The following PTX3 variants were observed in gnomAD, a reference collection of about 807,000 sequenced individuals.
PTX3 encodes pentraxin-related protein PTX3.
PTX3 carries 24 observed loss-of-function variants against 23.5 expected under a neutral mutation model. The observed-to-expected ratio is 1.02, with a 90% CI of 0.74 to 1.43. PTX3 has a LOEUF of 1.43. Among genes scored for constraint, PTX3 ranks in the 40% most tolerant of loss-of-function variants. The pLI, the probability that PTX3 is intolerant of heterozygous loss-of-function variation, is 0.00. For synonymous variants in PTX3, 218 were observed against 205.4 expected (o/e 1.06, Z -0.53); for missense variants, 510 against 497.5 (o/e 1.02, Z -0.24).
At chr3:157,439,900 G>A (rs1035327208) in intron 2 of PTX3, among the ~76,000 whole-genome samples, 1 of 152,042 alleles carries the variant, frequency 6.6e-6, no homozygotes, top group Non-Finnish European at 1.5e-5. Context: ...ACAGGTGCTC[G>A]CCACCTTACC....
rs141322370 is a variant in PTX3, at chr3:157,442,628, A to T, written c.795A>T (p.Gly265=). 402 of 1,614,204 alleles carry T rather than the reference A, an allele frequency of 2.5e-4. 2 individuals carry two copies. In the African/African-American group the frequency reaches 4.6e-3, roughly 18 times the overall value. Reference sequence around the variant, plus strand: ...TTGCTGAAGCCATGGTTTCCCTGGGAAGGTGGACCCACCTGTGCGGCACCT... The same window carrying T: ...TTGCTGAAGCCATGGTTTCCCTGGGTAGGTGGACCCACCTGTGCGGCACCT... ...KLVAEAMVSL[G]RWTHLCGTWN... Residue 265 remains glycine (G), a synonymous_variant, in exon 3 of 3, where the codon GGA becomes GGT. Transcript: ENST00000295927.
rs925263337 is a variant in PTX3, at chr3:157,437,886, C to T, written c.504C>T (p.Gly168=). ...GAGCCGACCTGCACGCGGTGCAGGG[C>T]TGGGCTGCCCGGAGCTGGCTGCCGG... is the stretch of plus-strand genomic sequence containing the variant. ...QTRADLHAVQ[G]WAARSWLPAG... The change falls in exon 2 of 3, where the codon GGC becomes GGT. Residue 168 remains glycine (G), a synonymous_variant. Transcript: ENST00000295927. The T allele has an allele frequency of 6.6e-7, 1 of 1,519,562 alleles. No individual in the cohort carries two copies. Among genetic ancestry groups the T allele is most frequent in the Non-Finnish European group, 8.8e-7 (1 of 1,141,372 alleles). The allele number at this position is 1,519,562 out of a possible 1,614,324, so 94.1% of individuals were successfully genotyped here.
At chr3:157,440,885 A>G (rs1734065464) in intron 2 of PTX3, among the ~76,000 whole-genome samples, 2 of 152,272 alleles carry the variant, frequency 1.3e-5, no homozygotes, top group African/African-American at 4.8e-5. Context: ...ATGTTCTCCA[A>G]CCAGGCCCCT....
chr3:157,437,830 G>C lies in PTX3; in HGVS notation c.448G>C (p.Ala150Pro). 3 of 1,470,066 alleles carry C rather than the reference G, an allele frequency of 2.0e-6. No homozygotes were observed. Among genetic ancestry groups the C allele is most frequent in the South Asian group, 2.6e-5 (2 of 75,908 alleles). The allele number at this position is 1,470,066 out of a possible 1,614,324, so 91.1% of individuals were successfully genotyped here. A position where few individuals can be genotyped will look rare whatever the true frequency, so the allele number is the denominator to read the frequency against. The stretch of plus-strand genomic sequence containing the variant: ...CCCAGAGGAGGCGGGGCGCGCCCTG[G>C]CCGCGGTGCTAGAGGAGCTGCGGCA... ...QRPEEAGRAL[A>P]AVLEELRQTR... is the part of the protein sequence containing the mutation. Residue 150 changes from alanine to proline, a missense_variant, in exon 2 of 3, where the codon GCC (alanine) becomes CCC (proline). Transcript: ENST00000295927.
chr3:157,437,072 A>G lies in PTX3; in HGVS notation c.130+9A>G, dbSNP rs2305619. 840,709 of 1,612,082 alleles carry G rather than the reference A, an allele frequency of 0.52. 221,494 individuals are homozygous for G. Among genetic ancestry groups the G allele is most frequent in the Admixed American group, 0.63 (38,064 of 59,962 alleles). ...CCATCCCACTGAGGACCGTAAGTTC[A>G]CTTTAACTGTTTCTCTGCTAACCCT... On this transcript the variant is annotated intron_variant, in intron 1 of 2. Coordinates refer to ENST00000295927, the MANE Select transcript of PTX3 (RefSeq NM_002852.4).
chr3:157,437,645 T>A lies in PTX3; in HGVS notation c.263T>A (p.Leu88Gln). Reference sequence around the variant, plus strand: ...GTCCTGCGGGGCGAGCTGCAGAGGCTGCGGGAGGAGCTGGGCCGGCTCGCG... The same window carrying A: ...GTCCTGCGGGGCGAGCTGCAGAGGCAGCGGGAGGAGCTGGGCCGGCTCGCG... ...DDVLRGELQRLREELGRLAES... is the reference protein window; with the variant it reads ...DDVLRGELQRQREELGRLAES... The change falls in exon 2 of 3, where the codon CTG (leucine) becomes CAG (glutamine). Residue 88 changes from leucine to glutamine, a missense_variant. Leu to Gln is a moderately radical substitution (Grantham distance 113). Transcript: ENST00000295927. 1 of 1,548,964 alleles carries A rather than the reference T, an allele frequency of 6.5e-7. No individual in the cohort carries two copies. Among genetic ancestry groups the A allele is most frequent in the South Asian group, 1.2e-5 (1 of 84,192 alleles).
Position 157,441,971 on chromosome 3 carries a change from G to T in PTX3, c.533-395G>T, listed in dbSNP as rs569868399. Reference sequence around the variant, plus strand: ...TGGCAAAAAGAGAGAACCAGGTTGGGTTCTGAATTCTTGGAAATTATAGAA... The same window carrying T: ...TGGCAAAAAGAGAGAACCAGGTTGGTTTCTGAATTCTTGGAAATTATAGAA... On this transcript the variant is annotated intron_variant, in intron 2 of 2. Coordinates refer to ENST00000295927, the MANE Select transcript of PTX3 (RefSeq NM_002852.4). 2.6e-5 allele frequency among the ~76,000 whole-genome samples: 4 copies of T among 152,248 alleles called. No individual in the cohort carries two copies. The East Asian group carries it at 7.7e-4, about 29-fold the overall frequency.
intron 1 of PTX3, 145 bp downstream of exon 1, chr3:157,437,208 A>C (rs1733668157): frequency 1.7e-6 from 2 of 1,171,928 alleles, no homozygotes; most frequent in Non-Finnish European, 2.5e-6. Flanking sequence ...TTGAAGAAAG[A>C]TGGAGGTTTC....
At position 157,437,790 on chromosome 3, in the gene PTX3, C is replaced by A; in HGVS notation, c.408C>A (p.Gly136=). The A allele has an allele frequency of 6.8e-7, 1 of 1,464,380 alleles. No individual in the cohort carries two copies. 90.7% of individuals were successfully genotyped at this position (1,464,380 alleles called of 1,614,324 possible). A position where few individuals can be genotyped will look rare whatever the true frequency, so the allele number is the denominator to read the frequency against. Residue 136 remains glycine (G), a synonymous_variant, in exon 2 of 3, where the codon GGC becomes GGA. Coordinates refer to ENST00000295927, the MANE Select transcript of PTX3 (RefSeq NM_002852.4). The part of the protein sequence containing the change: ...DAGRRLARME[G]AEAQRPEEAG... ...GCCGCAGGCTGGCGCGTATGGAGGG[C>A]GCGGAGGCGCAGCGCCCAGAGGAGG...
intron 1 of PTX3, 79 bp from the exon 2 acceptor site, chr3:157,437,434 C>G (rs888420704): frequency 1.3e-6 from 2 of 1,525,384 alleles, no homozygotes; most frequent in African/African-American, 2.8e-5. Context: ...TTGGCACCAC[C>G]GAGGGAGGTC....
At position 157,437,017 on chromosome 3, in the gene PTX3, G is replaced by T; in HGVS notation, c.84G>T (p.Val28=). 6 of 1,614,008 alleles carry T rather than the reference G, an allele frequency of 3.7e-6. No homozygotes were observed. Among genetic ancestry groups the T allele is most frequent in the Non-Finnish European group, 5.1e-6 (6 of 1,179,910 alleles). ...CGGATGATTATGATCTCATGTATGT[G>T]AATTTGGACAACGAAATAGACAATG... ...ENSDDYDLMY[V]NLDNEIDNGL... Residue 28 remains valine, a synonymous_variant, in exon 1 of 3, where the codon GTG becomes GTT. Transcript: ENST00000295927.
chr3:157,442,266 T>A, intron 2 of PTX3, 100 bp from the exon 3 acceptor site: 1 of 1,114,354 alleles, frequency 9.0e-7, no homozygotes, highest in Non-Finnish European at 1.2e-6. Context: ...AGCTTTCAAT[T>A]GTAATAATTA....
At position 157,437,527 on chromosome 3, in the gene PTX3, T is replaced by G. The variant is rs1305845626; in HGVS notation, c.145T>G (p.Cys49Gly). 6.2e-7 allele frequency: 1 copy of G among 1,605,958 alleles called. No homozygotes were observed. Among genetic ancestry groups the G allele is most frequent in the East Asian group, 2.2e-5 (1 of 44,490 alleles). Residue 49 changes from cysteine to glycine, a missense_variant, in exon 2 of 3, where the codon TGC becomes GGC. Coordinates refer to ENST00000295927, the MANE Select transcript of PTX3 (RefSeq NM_002852.4). ...HPTEDPTPCA[C>G]GQEHSEWDKL... ...CCGTACTCTAGCCACGCCGTGCGCC[T>G]GCGGTCAGGAGCACTCGGAATGGGA...
At chr3:157,438,029 GCGCGCGCGCACACA>G in intron 2 of PTX3, 115 bp downstream of exon 2, 1 of 844,942 alleles carries the variant, frequency 1.2e-6, no homozygotes, top group Non-Finnish European at 1.7e-6. Context: ...AAGCGCGCGC[GCGCGCGCGCACACA>G]CACACACACA....
chr3:157,438,060 CA>C, intron 2 of PTX3, 146 bp downstream of exon 2: 1 of 755,080 alleles, frequency 1.3e-6, no homozygotes, highest in Non-Finnish European at 2.1e-6. Context: ...CACACACACA[CA>C]CACACACACA....
chr3:157,442,645 G>A lies in PTX3; in HGVS notation c.812G>A (p.Cys271Tyr). 16 of 1,614,206 alleles carry A rather than the reference G, an allele frequency of 9.9e-6. No individual in the cohort carries two copies. Among genetic ancestry groups the A allele is most frequent in the Non-Finnish European group, 1.4e-5 (16 of 1,180,046 alleles). The change falls in exon 3 of 3, where the codon TGC becomes TAC. Residue 271 changes from cysteine to tyrosine, a missense_variant. Coordinates refer to ENST00000295927, the MANE Select transcript of PTX3 (RefSeq NM_002852.4). ...TCCCTGGGAAGGTGGACCCACCTGT[G>A]CGGCACCTGGAATTCAGAGGAAGGG... ...MVSLGRWTHL[C>Y]GTWNSEEGLT...
chr3:157,437,188 T>C, intron 1 of PTX3, 125 bp downstream of exon 1: 2 of 1,288,418 alleles, frequency 1.6e-6, no homozygotes, highest in Non-Finnish European at 2.2e-6. Context: ...TATGCAAAAG[T>C]GAGAAGCACT....
At chr3:157,442,322 T>C (rs1734186700) in intron 2 of PTX3, 44 bp from the exon 3 acceptor site, 1 of 1,438,064 alleles carries the variant, frequency 7.0e-7, no homozygotes, top group Non-Finnish European at 9.4e-7. Flanking sequence ...TCTGAATTAA[T>C]TTATATTTTC....
chr3:157,437,864 C>G lies in PTX3; in HGVS notation c.482C>G (p.Ala161Gly), dbSNP rs761210095. Residue 161 changes from alanine to glycine, a missense_variant, in exon 2 of 3, where the codon GCC (alanine) becomes GGC (glycine). Coordinates refer to ENST00000295927, the MANE Select transcript of PTX3 (RefSeq NM_002852.4). ...AVLEELRQTR[A>G]DLHAVQGWAA... The stretch of plus-strand genomic sequence containing the variant: ...CTAGAGGAGCTGCGGCAGACGCGAG[C>G]CGACCTGCACGCGGTGCAGGGCTGG... 3.0e-5 allele frequency: 45 copies of G among 1,500,730 alleles called. No homozygotes were observed. The highest frequency in any genetic ancestry group is 4.4e-5 in the Admixed American group (2 of 45,264). The allele number at this position is 1,500,730 out of a possible 1,614,324, so 93.0% of individuals were successfully genotyped here.
Sources: gnomAD v4.1 joint callset for allele counts (sites outside exome capture counted in the v4.1 genomes callset) on GRCh38, gnomAD v4.1.1 for gene constraint, MANE v1.5 for transcripts, NCBI Gene and HGNC (gene_info 2026-07-23, HGNC 2026-07-21) for gene names.